The following CCDC102B variants were observed in gnomAD, a reference collection of about 807,000 sequenced individuals.
The protein encoded by CCDC102B is coiled-coil domain containing 102B.
CCDC102B carries 75 observed loss-of-function variants against 57.4 expected under a neutral mutation model. The ratio of observed to expected loss-of-function variants is 1.31; its 90% CI spans 1.08 to 1.58. The LOEUF is 1.58. Among genes scored for constraint, CCDC102B ranks in the 40% most tolerant of loss-of-function variants. The pLI is 0.00. For synonymous variants in CCDC102B, 206 were observed against 201.9 expected, an observed-to-expected ratio of 1.02 and a Z score of -0.17; for missense variants, 636 against 582.6, an observed-to-expected ratio of 1.09 and a Z score of -0.94.
At chr18:68,999,026 A>AGG (rs1251562925) in intron 6 of CCDC102B, among the ~76,000 whole-genome samples, 2,648 of 142,682 alleles carry the variant, frequency 0.019, 88 homozygotes, top group African/African-American at 0.069. Flanking sequence ...AGAGAGAGAG[A>AGG]GAGAGAGAGA....
chr18:68,893,253 G>A (rs900372515), intron 5 of CCDC102B, among the ~76,000 whole-genome samples: 2 of 152,112 alleles, frequency 1.3e-5, no homozygotes, highest in African/African-American at 4.8e-5. Flanking sequence ...TAGGTTGTAG[G>A]AAAGAGTTTT....
In CCDC102B at chr18:69,054,531, T is replaced by TA. The variant is rs1199052108; in HGVS notation, c.*397dup. Reference sequence around the variant, plus strand: ...TTTAAGTATAAAGTACTGGTTTGTTTAAATAATTGGTAAACTTTTATGTAC... The same window carrying TA: ...TTTAAGTATAAAGTACTGGTTTGTTTAAAATAATTGGTAAACTTTTATGTAC... On this transcript the variant is annotated 3_prime_UTR_variant, in exon 8 of 8. Coordinates refer to ENST00000360242, the MANE Select transcript of CCDC102B (RefSeq NM_024781.3). The TA allele has an allele frequency of 6.1e-6, 6 of 991,440 alleles. No individual in the cohort carries two copies. Among genetic ancestry groups the TA allele is most frequent in the African/African-American group, 1.7e-5 (1 of 57,292 alleles). 61.4% of individuals were successfully genotyped at this position (991,440 alleles called of 1,614,324 possible).
intron 3 of CCDC102B, among the ~76,000 whole-genome samples, chr18:68,840,044 T>A (rs2037560212): frequency 6.6e-6 from 1 of 152,164 alleles, no homozygotes; most frequent in Non-Finnish European, 1.5e-5. Flanking sequence ...AAATAACATC[T>A]GGGAAAGAGA....
chr18:68,871,623 A>G (rs934274166), intron 4 of CCDC102B, among the ~76,000 whole-genome samples: 2 of 152,004 alleles, frequency 1.3e-5, no homozygotes, highest in East Asian at 3.9e-4. Flanking sequence ...TATTTTATTT[A>G]TTACTTATTA....
At chr18:69,053,282 T>G (rs1239338703) in intron 7 of CCDC102B, among the ~76,000 whole-genome samples, 1 of 151,356 alleles carries the variant, frequency 6.6e-6, no homozygotes. Flanking sequence ...TTAAAACAAT[T>G]AAAATGATAC....
chr18:68,873,696 A>T (rs1021073006), intron 4 of CCDC102B, among the ~76,000 whole-genome samples: 2 of 152,072 alleles, frequency 1.3e-5, no homozygotes, highest in Admixed American at 1.3e-4. Flanking sequence ...TATTACTATT[A>T]CTAATAACAA....
At chr18:68,943,232 C>CAAAAGAGAG (rs2049437415) in intron 6 of CCDC102B, among the ~76,000 whole-genome samples, 1 of 152,096 alleles carries the variant, frequency 6.6e-6, no homozygotes, top group South Asian at 2.1e-4. Flanking sequence ...CTTTTCCCCA[C>CAAAAGAGAG]AAAAGAGAGA....
intron 2 of CCDC102B, among the ~76,000 whole-genome samples, chr18:68,768,516 C>T (rs1206053042): frequency 6.6e-6 from 1 of 152,146 alleles, no homozygotes; most frequent in Non-Finnish European, 1.5e-5. Context: ...TTACTGATTA[C>T]TTTCCTATGA....
intron 6 of CCDC102B, among the ~76,000 whole-genome samples, chr18:68,915,748 G>T (rs1486981937): frequency 6.6e-6 from 1 of 152,170 alleles, no homozygotes; most frequent in Non-Finnish European, 1.5e-5. Context: ...CCGATAAGAT[G>T]TGTCTTATCC....
chr18:69,010,840 A>G lies in CCDC102B; in HGVS notation c.1264-94A>G, dbSNP rs186557078. Reference sequence around the variant, plus strand: ...ATGATGGCTCATCTAAATTCTTCCTAAAATGTTTTTCTCTTTTGTCAAAAG... The same window carrying G: ...ATGATGGCTCATCTAAATTCTTCCTGAAATGTTTTTCTCTTTTGTCAAAAG... On this transcript the variant is annotated intron_variant, in intron 6 of 7. Coordinates refer to ENST00000360242, the MANE Select transcript of CCDC102B (RefSeq NM_024781.3). 5.6e-4 allele frequency: 488 copies of G among 867,996 alleles called. 1 individual carries two copies. The highest frequency in any genetic ancestry group is 7.4e-4 in the Non-Finnish European group (437 of 594,138). The allele number at this position is 867,996 out of a possible 1,614,324, so 53.8% of individuals were successfully genotyped here.
chr18:68,804,835 T>C (rs138368738), intron 1 of CCDC102B, among the ~76,000 whole-genome samples: 46 of 151,586 alleles, frequency 3.0e-4, no homozygotes, highest in African/African-American at 1.1e-3. Context: ...GCCAAAGATA[T>C]GGAATGGCTG....
At chr18:68,732,935 T>C (rs565773430) in intron 2 of CCDC102B, among the ~76,000 whole-genome samples, 1 of 152,234 alleles carries the variant, frequency 6.6e-6, no homozygotes, top group East Asian at 1.9e-4. Context: ...TTCCATAGAC[T>C]GATTTAGCCT....
At chr18:68,926,083 G>A (rs888276914) in intron 6 of CCDC102B, among the ~76,000 whole-genome samples, 1 of 151,876 alleles carries the variant, frequency 6.6e-6, no homozygotes, top group Non-Finnish European at 1.5e-5. Context: ...AGCCAAGATG[G>A]ATAGATAATG....
chr18:68,862,611 C>G (rs2038810423), intron 4 of CCDC102B, among the ~76,000 whole-genome samples: 7 of 152,142 alleles, frequency 4.6e-5, no homozygotes, highest in Admixed American at 3.3e-4. Flanking sequence ...TTACAAAGCT[C>G]TATGTCAAAG....
chr18:69,039,937 G>A (rs2052388913), intron 7 of CCDC102B, among the ~76,000 whole-genome samples: 1 of 151,788 alleles, frequency 6.6e-6, no homozygotes, highest in Non-Finnish European at 1.5e-5. Flanking sequence ...TTGTAAAATA[G>A]TATAAAATAT....
chr18:68,937,298 C>T (rs1204565500), intron 6 of CCDC102B, among the ~76,000 whole-genome samples: 2 of 151,936 alleles, frequency 1.3e-5, no homozygotes, highest in Non-Finnish European at 1.5e-5. Flanking sequence ...ATGTCAAAAA[C>T]GTGGCACCAG....
intron 7 of CCDC102B, among the ~76,000 whole-genome samples, chr18:69,014,978 A>AGAGTGTGTGTGTGTGTGT (rs139377520): frequency 7.2e-6 from 1 of 139,332 alleles, no homozygotes; most frequent in Admixed American, 7.4e-5. Flanking sequence ...AGAGAGAGAG[A>AGAGTGTGTGTGTGTGTGT]GTGTGTGTGT....
chr18:68,837,341 T>A lies in CCDC102B; in HGVS notation c.578T>A (p.Phe193Tyr). ...AGAGAGTATTTGGTAAAAAGACAAT[T>A]TTCTACAAAGGAGGACACAAATAAT... ...SIREYLVKRQ[F>Y]STKEDTNNKE... The change falls in exon 2 of 8, where the codon TTT (phenylalanine) becomes TAT (tyrosine). Residue 193 changes from phenylalanine (F) to tyrosine (Y), a missense_variant. Transcript: ENST00000360242. The A allele has an allele frequency of 1.9e-6, 3 of 1,610,320 alleles. No homozygotes were observed. Among genetic ancestry groups the A allele is most frequent in the Non-Finnish European group, 2.5e-6 (3 of 1,178,300 alleles).
intron 6 of CCDC102B, among the ~76,000 whole-genome samples, chr18:68,943,449 CAG>C (rs1568344297): frequency 6.6e-6 from 1 of 152,066 alleles, no homozygotes; most frequent in East Asian, 1.9e-4. Flanking sequence ...TCTACACTCT[CAG>C]AGCATATTTT....
Sources: gnomAD v4.1 joint callset for allele counts (sites outside exome capture counted in the v4.1 genomes callset) on GRCh38, gnomAD v4.1.1 for gene constraint, MANE v1.5 for transcripts, NCBI Gene and HGNC (gene_info 2026-07-23, HGNC 2026-07-21) for gene names.